Variants in MIAT observed in about 807,000 individuals in gnomAD.
The protein encoded by MIAT is MI related novel mRNA.
At chr22:26,657,297 G>C (rs961210391) in intron 2 of MIAT, 7 of 392,132 alleles carry the variant, frequency 1.8e-5, no homozygotes, top group Non-Finnish European at 3.1e-5. Flanking sequence ...GGGGGCTGCG[G>C]AGTGCTCCCT....
chr22:26,661,820 T>G (rs2146007560), intron 2 of MIAT, among the ~76,000 whole-genome samples: 1 of 146,766 alleles, frequency 6.8e-6, no homozygotes, highest in South Asian at 2.2e-4. Flanking sequence ...TTTCTCACAG[T>G]AATAGTAATG....
chr22:26,656,845 G>T (rs186222445), intron 2 of MIAT, among the ~76,000 whole-genome samples: 94 of 152,194 alleles, frequency 6.2e-4, no homozygotes, highest in Non-Finnish European at 1.0e-3. Flanking sequence ...AGTTCGGGGG[G>T]GTGCGGTGAG....
At chr22:26,654,785 C>G (rs1930394364) in intron 2 of MIAT, among the ~76,000 whole-genome samples, 2 of 152,082 alleles carry the variant, frequency 1.3e-5, no homozygotes, top group Admixed American at 1.3e-4. Context: ...GATCTTGGCT[C>G]ACTGCAAGCT....
exon 4 of MIAT, chr22:26,665,576 G>T (rs866320986): frequency 8.0e-5 from 32 of 398,710 alleles, no homozygotes; most frequent in African/African-American, 6.0e-4. Context: ...GGAATTTCCA[G>T]GTTCTTCAGG....
rs55740419 is a variant in MIAT at position 26,647,374 on chromosome 22, G to GGAGA, written n.646+112_646+115dup. 1.3e-3 allele frequency: 164 copies of GGAGA among 126,982 alleles called. 3 individuals carry two copies. Among genetic ancestry groups the GGAGA allele is most frequent in the East Asian group, 5.0e-3 (35 of 7,002 alleles). The allele number at this position is 126,982 out of a possible 1,614,324, so 7.9% of individuals were successfully genotyped here. On this transcript the variant is annotated intron_variant and non_coding_transcript_variant, in intron 2 of 5. Transcript: ENST00000643270. ...TGGGGGCGGCGGGGACGTGGGGGGT[G>GGAGA]GAGAGAGAGAGAGAGAGAGAGAGAG... is the stretch of plus-strand genomic sequence containing the variant.
chr22:26,656,529 G>A (rs1208546337), intron 2 of MIAT, among the ~76,000 whole-genome samples: 1 of 151,772 alleles, frequency 6.6e-6, no homozygotes, highest in African/African-American at 2.4e-5. Context: ...TGTTGGCCAG[G>A]CTGGTCTTGA....
chr22:26,661,959 T>TACAC (rs1247033062), intron 2 of MIAT, among the ~76,000 whole-genome samples: 2 of 54,322 alleles, frequency 3.7e-5, no homozygotes, highest in South Asian at 4.8e-4. Context: ...TATATATATA[T>TACAC]ATACACACAC....
At chr22:26,669,664 G>C, downstream of MIAT, 1 of 398,864 alleles carries the variant, frequency 2.5e-6, no homozygotes, top group Non-Finnish European at 4.4e-6. Flanking sequence ...CGCAAACATG[G>C]AAAGTCAGAG....
At chr22:26,648,237 C>T (rs1392516289) in intron 2 of MIAT, among the ~76,000 whole-genome samples, 2 of 152,068 alleles carry the variant, frequency 1.3e-5, no homozygotes, top group Non-Finnish European at 2.9e-5. Flanking sequence ...AGGTGCAGGG[C>T]GTCTGGAGGG....
At chr22:26,658,868 A>G (rs5752376) in intron 2 of MIAT, among the ~76,000 whole-genome samples, 127,346 of 152,266 alleles carry the variant, frequency 0.84, 53,312 homozygotes, top group South Asian at 0.92. Context: ...ACTGAGCACG[A>G]CTCAAAGCAA....
At chr22:26,675,724 A>T in exon 5 of MIAT, 2 of 398,684 alleles carry the variant, frequency 5.0e-6, no homozygotes, top group Non-Finnish European at 8.8e-6. Flanking sequence ...AAACACAGTC[A>T]TAGGCTGCAA....
At chr22:26,666,808 G>A in exon 4 of MIAT, 1 of 398,874 alleles carries the variant, frequency 2.5e-6, no homozygotes, top group Middle Eastern at 6.3e-4. Flanking sequence ...CCTGGGGAGG[G>A]GGCCTGGGTG....
intron 2 of MIAT, among the ~76,000 whole-genome samples, chr22:26,658,857 G>T (rs1477099266): frequency 2.6e-5 from 4 of 152,226 alleles, no homozygotes; most frequent in Non-Finnish European, 5.9e-5. Flanking sequence ...GCCAGGCTGG[G>T]ACTGAGCACG....
chr22:26,659,134 C>T (rs1602358924), intron 2 of MIAT, among the ~76,000 whole-genome samples: 1 of 152,124 alleles, frequency 6.6e-6, no homozygotes, highest in East Asian at 1.9e-4. Context: ...CTGATGTTTA[C>T]TCAGACCTCC....
intron 2 of MIAT, among the ~76,000 whole-genome samples, chr22:26,656,740 TAAATA>T (rs1239561581): frequency 1.3e-5 from 2 of 151,848 alleles, no homozygotes; most frequent in African/African-American, 4.8e-5. Flanking sequence ...AGAGGGCAGT[TAAATA>T]AAAGACTAAT....
exon 5 of MIAT, chr22:26,675,119 G>T (rs1223159338): frequency 7.5e-6 from 3 of 398,720 alleles, no homozygotes; most frequent in Non-Finnish European, 8.8e-6. Context: ...TTGGGTGCAG[G>T]GGGGTGGAAT....
At chr22:26,673,382 A>G, downstream of MIAT, 1 of 398,990 alleles carries the variant, frequency 2.5e-6, no homozygotes, top group Non-Finnish European at 4.4e-6. Context: ...TCACCCAGCT[A>G]ATCCCTGCCT....
chr22:26,654,431 G>A (rs1407476567), intron 2 of MIAT, among the ~76,000 whole-genome samples: 1 of 152,194 alleles, frequency 6.6e-6, no homozygotes, highest in Non-Finnish European at 1.5e-5. Flanking sequence ...TATAAAACAG[G>A]TGGCTTGGGA....
chr22:26,654,603 G>C (rs1930390829), intron 2 of MIAT, among the ~76,000 whole-genome samples: 1 of 152,206 alleles, frequency 6.6e-6, no homozygotes, highest in South Asian at 2.1e-4. Flanking sequence ...CAGGCAGGAG[G>C]ATCCCTTGAA....
Sources: allele counts gnomAD v4.1 joint callset (sites outside exome capture counted in the v4.1 genomes callset), GRCh38; gene constraint gnomAD v4.1.1; transcripts MANE v1.5; gene names NCBI Gene and HGNC (gene_info 2026-07-23, HGNC 2026-07-21).